The following B3GALT5 variants were observed in gnomAD, a reference collection of about 807,000 sequenced individuals.
The protein encoded by B3GALT5 is UDP-Gal:betaGlcNAc beta 1,3-galactosyltransferase, polypeptide 5.
For missense variants in B3GALT5, 328 were observed against 396.6 expected (o/e 0.83, Z 1.47); for synonymous variants, 156 against 158.6 (o/e 0.98, Z 0.12).
At chr21:39,649,015 T>C (rs1296600862) in intron 2 of B3GALT5, among the ~76,000 whole-genome samples, 7 of 152,226 alleles carry the variant, frequency 4.6e-5, no homozygotes, top group Admixed American at 4.6e-4. Context: ...ACCCAGTGTG[T>C]GGCATTTTGT....
intron 2 of B3GALT5, among the ~76,000 whole-genome samples, chr21:39,659,240 T>C (rs2146216879): frequency 6.6e-6 from 1 of 152,186 alleles, no homozygotes; most frequent in East Asian, 1.9e-4. Context: ...CAGAGTGACA[T>C]CAGGTCTCTG....
intron 1 of B3GALT5, among the ~76,000 whole-genome samples, chr21:39,639,387 C>CT (rs1569212282): frequency 2.2e-4 from 22 of 101,940 alleles, no homozygotes; most frequent in African/African-American, 7.6e-4. Flanking sequence ...TCCTTCCTTC[C>CT]TTCCTTCTTT....
chr21:39,623,250 CCTT>C (rs2079146947), intron 1 of B3GALT5, among the ~76,000 whole-genome samples: 3 of 115,024 alleles, frequency 2.6e-5, no homozygotes, highest in African/African-American at 1.1e-4. Flanking sequence ...TCCCTTCCTT[CCTT>C]CCTTCCTTCC....
intron 1 of B3GALT5, among the ~76,000 whole-genome samples, chr21:39,639,267 C>A (rs1020047459): frequency 6.6e-6 from 1 of 151,820 alleles, no homozygotes; most frequent in Non-Finnish European, 1.5e-5. Context: ...GTTTCCCTTG[C>A]AAGCAGCTTC....
At chr21:39,641,477 T>A (rs1240970093) in intron 1 of B3GALT5, among the ~76,000 whole-genome samples, 4 of 152,246 alleles carry the variant, frequency 2.6e-5, no homozygotes, top group Non-Finnish European at 5.9e-5. Flanking sequence ...AAAAAGTTCT[T>A]AAAATTAAGC....
At chr21:39,646,133 G>T (rs2079336808) in intron 1 of B3GALT5, among the ~76,000 whole-genome samples, 1 of 152,074 alleles carries the variant, frequency 6.6e-6, no homozygotes, top group African/African-American at 2.4e-5. Flanking sequence ...CTGCTGGTGT[G>T]GAAAGGTGGC....
At chr21:39,643,926 A>G (rs1275924338) in intron 1 of B3GALT5, among the ~76,000 whole-genome samples, 1 of 152,170 alleles carries the variant, frequency 6.6e-6, no homozygotes, top group Non-Finnish European at 1.5e-5. Context: ...ATTGACACTG[A>G]TAGTTCTGTC....
chr21:39,633,928 A>G (rs1185785187), intron 1 of B3GALT5, among the ~76,000 whole-genome samples: 2 of 152,196 alleles, frequency 1.3e-5, no homozygotes, highest in African/African-American at 4.8e-5. Context: ...GGGGTAAATG[A>G]TGGAGCTCTA....
chr21:39,620,778 T>C (rs2079130487), intron 1 of B3GALT5, among the ~76,000 whole-genome samples: 1 of 152,226 alleles, frequency 6.6e-6, no homozygotes, highest in South Asian at 2.1e-4. Flanking sequence ...ATTTTGCTTA[T>C]GAGAAGATAA....
chr21:39,655,439 G>C (rs376599563), intron 2 of B3GALT5, among the ~76,000 whole-genome samples: 38 of 152,320 alleles, frequency 2.5e-4, no homozygotes, highest in African/African-American at 8.9e-4. Context: ...GCTGGGTGCC[G>C]GGAGGACTTG....
chr21:39,639,023 G>C (rs537341301), intron 1 of B3GALT5, among the ~76,000 whole-genome samples: 8 of 152,278 alleles, frequency 5.3e-5, no homozygotes, highest in African/African-American at 1.9e-4. Flanking sequence ...TGACAAAACT[G>C]CTAATGGGAC....
At chr21:39,639,083 G>T (rs1349450676) in intron 1 of B3GALT5, among the ~76,000 whole-genome samples, 1 of 152,168 alleles carries the variant, frequency 6.6e-6, no homozygotes, top group African/African-American at 2.4e-5. Context: ...ATATTACCAC[G>T]AAAGGAAGGT....
chr21:39,661,583 G>A lies in B3GALT5; in HGVS notation c.*91G>A. Reference sequence around the variant, plus strand: ...TGGAAGAGGGGGCGGGACAGAGGATGCTGTTCTTCAGTGCTGAAATCCACG... The same window carrying A: ...TGGAAGAGGGGGCGGGACAGAGGATACTGTTCTTCAGTGCTGAAATCCACG... On this transcript the variant is annotated 3_prime_UTR_variant, in exon 4 of 4. Coordinates refer to ENST00000684187, the MANE Select transcript of B3GALT5 (RefSeq NM_001356336.2). This position sits in a 1 kb window ranked among gnomAD's most constrained non-coding sequence, Gnocchi z 4.7. 1 of 1,250,616 alleles carries A rather than the reference G, an allele frequency of 8.0e-7. No individual in the cohort carries two copies. Among genetic ancestry groups the A allele is most frequent in the Non-Finnish European group, 1.1e-6 (1 of 937,458 alleles). 77.5% of individuals were successfully genotyped at this position (1,250,616 alleles called of 1,614,324 possible).
chr21:39,639,291 TTTC>T (rs1356145554), intron 1 of B3GALT5, among the ~76,000 whole-genome samples: 20 of 45,992 alleles, frequency 4.3e-4, no homozygotes, highest in Admixed American at 6.7e-4. Context: ...CATCTGGCTC[TTTC>T]TTTCTTTCTT....
Position 39,660,568 on chromosome 21 carries a change from C to T in B3GALT5, c.9C>T (p.Phe3=), listed in dbSNP as rs758335665. The part of the protein sequence containing the change: MA[F]PKMRLMYICL... ...GATTTTGTTCCTTTCAGATGGCTTTCCCGAAGATGAGATTGATGTATATTT... is the reference window on the plus strand; with the variant it reads ...GATTTTGTTCCTTTCAGATGGCTTTTCCGAAGATGAGATTGATGTATATTT... Residue 3 remains phenylalanine, a synonymous_variant, in exon 4 of 4, where the codon TTC becomes TTT. Coordinates refer to ENST00000684187, the MANE Select transcript of B3GALT5 (RefSeq NM_001356336.2). 37 of 1,417,254 alleles carry T rather than the reference C, an allele frequency of 2.6e-5. No individual in the cohort carries two copies. The highest frequency in any genetic ancestry group is 5.4e-5 in the Admixed American group (2 of 37,198). 87.8% of individuals were successfully genotyped at this position (1,417,254 alleles called of 1,614,324 possible). A position where few individuals can be genotyped will look rare whatever the true frequency, so the allele number is the denominator to read the frequency against.
intron 2 of B3GALT5, among the ~76,000 whole-genome samples, chr21:39,648,106 C>G (rs2079358932): frequency 6.6e-6 from 1 of 152,110 alleles, no homozygotes; most frequent in South Asian, 2.1e-4. Flanking sequence ...AAAAAAAAGT[C>G]CATTGTAGAT....
intron 1 of B3GALT5, among the ~76,000 whole-genome samples, chr21:39,639,448 CTTTCT>C (rs1157687221): frequency 4.6e-4 from 56 of 121,788 alleles, no homozygotes; most frequent in African/African-American, 1.8e-3. Flanking sequence ...TTCTTTCTTT[CTTTCT>C]TTTTTTCTTT....
chr21:39,642,659 A>G (rs541006229), intron 1 of B3GALT5, among the ~76,000 whole-genome samples: 21 of 152,334 alleles, frequency 1.4e-4, no homozygotes, highest in African/African-American at 5.1e-4. Context: ...AGACAAGAAC[A>G]TTTTCCTCAC....
chr21:39,647,174 G>A (rs113434025), intron 2 of B3GALT5, among the ~76,000 whole-genome samples: 1,647 of 152,300 alleles, frequency 0.011, 28 homozygotes, highest in African/African-American at 0.038. Flanking sequence ...TGGCCGAGAG[G>A]CAGAGGAAGT....
Sources: allele counts gnomAD v4.1 joint callset (sites outside exome capture counted in the v4.1 genomes callset), GRCh38; gene constraint gnomAD v4.1.1; non-coding constraint Gnocchi (gnomAD v3.1); transcripts MANE v1.5; gene names NCBI Gene and HGNC (gene_info 2026-07-23, HGNC 2026-07-21).